Variants in VSTM4 observed in about 807,000 individuals in gnomAD.
The protein encoded by VSTM4 is V-set and transmembrane domain containing 4.
VSTM4 carries 20 observed loss-of-function variants against 36.4 expected under a neutral mutation model. That is an observed-to-expected ratio of 0.55 (90% CI 0.39 to 0.80). The LOEUF (loss-of-function observed/expected upper bound fraction) is 0.80. VSTM4 is among the 30% of genes least tolerant of loss of function. The pLI, the probability that VSTM4 is intolerant of heterozygous loss-of-function variation, is 0.00. For synonymous variants in VSTM4, 182 were observed against 173.9 expected, an observed-to-expected ratio of 1.05 and a Z score of -0.37; for missense variants, 392 against 404.5, an observed-to-expected ratio of 0.97 and a Z score of 0.26.
chr10:49,107,620 T>A lies in VSTM4; in HGVS notation c.431A>T (p.Asn144Ile). ...RHRNKWTAWS[N>I]GSSATEMRVI... The stretch of plus-strand genomic sequence containing the variant: ...TCTCATTTCCGTGGCTGAGGAGCCA[T>A]TGGACCAGGCCGTCCACTTGTTCCT... Residue 144 changes from asparagine to isoleucine, a missense_variant, in exon 2 of 8, where the codon AAT becomes ATT. Coordinates refer to ENST00000332853, the MANE Select transcript of VSTM4 (RefSeq NM_001031746.5). 6.2e-7 allele frequency: 1 copy of A among 1,610,186 alleles called. No individual in the cohort carries two copies. Among genetic ancestry groups the A allele is most frequent in the Non-Finnish European group, 8.5e-7 (1 of 1,176,868 alleles).
Position 49,077,209 on chromosome 10 carries a change from G to A in VSTM4, c.634+10C>T. 1 of 1,613,328 alleles carries A rather than the reference G, an allele frequency of 6.2e-7. No individual in the cohort carries two copies. Among genetic ancestry groups the A allele is most frequent in the Non-Finnish European group, 8.5e-7 (1 of 1,179,818 alleles). On this transcript the variant is annotated intron_variant, in intron 4 of 7. Transcript: ENST00000332853. ...TCCCATCCCAGACATGACCTTATCT[G>A]TTTTCTTACCTCTGGATTTCCGCTT...
chr10:49,046,943 G>A (rs1414776700), intron 7 of VSTM4, 40 bp downstream of exon 7: 3 of 1,590,928 alleles, frequency 1.9e-6, no homozygotes, highest in African/African-American at 2.7e-5. Flanking sequence ...TTGTGTCTGA[G>A]GCTTAAGGTA....
At chr10:49,029,247 C>T (rs192557333) in intron 7 of VSTM4, among the ~76,000 whole-genome samples, 134 of 152,232 alleles carry the variant, frequency 8.8e-4, no homozygotes, top group African/African-American at 3.2e-3. Context: ...TGCTGATTGG[C>T]AAATTTATTT....
chr10:49,101,673 T>G lies in VSTM4; in HGVS notation c.457+5921A>C, dbSNP rs113102356. Among the ~76,000 whole-genome samples, 1,218 of 152,296 alleles carry G rather than the reference T, an allele frequency of 8.0e-3. 12 individuals are homozygous for G. Among genetic ancestry groups the G allele is most frequent in the Middle Eastern group, 0.038 (11 of 292 alleles). Reference sequence around the variant, plus strand: ...GTATAAATTTGTAAAGTCTTTTCAGTGATAGCATTTTGGCATTGTCTACAA... The same window carrying G: ...GTATAAATTTGTAAAGTCTTTTCAGGGATAGCATTTTGGCATTGTCTACAA... On this transcript the variant is annotated intron_variant, in intron 2 of 7. Coordinates refer to ENST00000332853, the MANE Select transcript of VSTM4 (RefSeq NM_001031746.5).
chr10:49,102,578 G>C, intron 2 of VSTM4: 3 of 985,446 alleles, frequency 3.0e-6, no homozygotes, highest in Non-Finnish European at 3.6e-6. Context: ...CCATGGGCTG[G>C]CATGCCCAAA....
intron 2 of VSTM4, chr10:49,103,469 TTCAGTA>T: frequency 5.8e-6 from 6 of 1,037,154 alleles, no homozygotes; most frequent in Non-Finnish European, 7.0e-6. Context: ...TTTAAACCCT[TTCAGTA>T]TTTTTCCATG....
At chr10:49,044,620 A>G (rs1285994543) in intron 7 of VSTM4, among the ~76,000 whole-genome samples, 1 of 152,148 alleles carries the variant, frequency 6.6e-6, no homozygotes, top group African/African-American at 2.4e-5. Context: ...TTTGGCAGAT[A>G]TATGCATAGA....
chr10:49,107,846 CGAA>C lies in VSTM4; in HGVS notation c.202_204del (p.Phe68del), dbSNP rs1564599102. 1 of 1,614,190 alleles carries C rather than the reference CGAA, an allele frequency of 6.2e-7. No homozygotes were observed. The highest frequency in any genetic ancestry group is 1.7e-5 in the Admixed American group (1 of 60,020). Reference sequence around the variant, plus strand: ...TTCACCATCAAGGCCTCCTGGGAGTCGAAGGAGTGTGCAAAGAACCAGCGCACG... The same window carrying C: ...TTCACCATCAAGGCCTCCTGGGAGTCGGAGTGTGCAAAGAACCAGCGCACG... On this transcript the variant is annotated inframe_deletion, in exon 2 of 8. Coordinates refer to ENST00000332853, the MANE Select transcript of VSTM4 (RefSeq NM_001031746.5).
At chr10:49,095,426 G>A (rs937913149) in intron 2 of VSTM4, among the ~76,000 whole-genome samples, 1 of 152,082 alleles carries the variant, frequency 6.6e-6, no homozygotes, top group Non-Finnish European at 1.5e-5. Context: ...GCCCCGGCAG[G>A]GTCCTTGGTA....
intron 7 of VSTM4, among the ~76,000 whole-genome samples, chr10:49,043,025 T>A (rs1165471884): frequency 6.6e-6 from 1 of 152,060 alleles, no homozygotes; most frequent in East Asian, 1.9e-4. Flanking sequence ...ATTTAAGGAT[T>A]AGCAAGGAGG....
chr10:49,094,599 A>G (rs1159592106), intron 2 of VSTM4, among the ~76,000 whole-genome samples: 1 of 152,220 alleles, frequency 6.6e-6, no homozygotes, highest in Admixed American at 6.5e-5. Context: ...TGAAGTATGC[A>G]GAAGAAAAGA....
At chr10:49,074,355 G>T (rs1460412465) in intron 4 of VSTM4, among the ~76,000 whole-genome samples, 1 of 152,212 alleles carries the variant, frequency 6.6e-6, no homozygotes, top group Non-Finnish European at 1.5e-5. Context: ...ATGCTTGATG[G>T]GATAGAGGTA....
intron 2 of VSTM4, among the ~76,000 whole-genome samples, chr10:49,101,645 A>C (rs948430045): frequency 6.6e-6 from 1 of 152,248 alleles, no homozygotes; most frequent in Non-Finnish European, 1.5e-5. Context: ...AATGATGGTC[A>C]GAGTATAAAT....
At position 49,107,871 on chromosome 10, in the gene VSTM4, C is replaced by T. The variant is rs202108464; in HGVS notation, c.180G>A (p.Val60=). The T allele has an allele frequency of 1.7e-3, 2,749 of 1,614,220 alleles. 13 individuals carry two copies. Among genetic ancestry groups the T allele is most frequent in the Non-Finnish European group, 1.3e-3 (1,487 of 1,180,026 alleles). Residue 60 remains valine, a synonymous_variant, in exon 2 of 8, where the codon GTG becomes GTA. Coordinates refer to ENST00000332853, the MANE Select transcript of VSTM4 (RefSeq NM_001031746.5). ...CGAAGGAGTGTGCAAAGAACCAGCGCACGGCCAGCAAGCTGTCCTTCCGCC... is the reference window on the plus strand; with the variant it reads ...CGAAGGAGTGTGCAAAGAACCAGCGTACGGCCAGCAAGCTGTCCTTCCGCC... The part of the protein sequence containing the change: ...QKRRKDSLLA[V]RWFFAHSFDS...
intron 7 of VSTM4, among the ~76,000 whole-genome samples, chr10:49,032,273 G>C (rs1158511289): frequency 6.6e-6 from 1 of 152,246 alleles, no homozygotes; most frequent in Non-Finnish European, 1.5e-5. Context: ...CGAGCATGCA[G>C]ACAGTAGCTA....
intron 7 of VSTM4, among the ~76,000 whole-genome samples, chr10:49,039,431 C>T (rs1404312917): frequency 2.0e-5 from 3 of 152,108 alleles, no homozygotes; most frequent in Non-Finnish European, 4.4e-5. Context: ...CCGGTAGCCA[C>T]GCAGAGGATG....
At chr10:49,067,728 C>A (rs970196639) in intron 4 of VSTM4, among the ~76,000 whole-genome samples, 1 of 152,204 alleles carries the variant, frequency 6.6e-6, no homozygotes, top group Non-Finnish European at 1.5e-5. Context: ...TAAAGCCATG[C>A]AGTATGTGGT....
chr10:49,078,528 A>C (rs1305541514), intron 3 of VSTM4, among the ~76,000 whole-genome samples: 1 of 152,014 alleles, frequency 6.6e-6, no homozygotes, highest in Non-Finnish European at 1.5e-5. Flanking sequence ...TGAGTGAAAA[A>C]AAAAAAAAAA....
intron 7 of VSTM4, among the ~76,000 whole-genome samples, chr10:49,022,651 C>CA (rs1843199857): frequency 6.6e-6 from 1 of 152,072 alleles, no homozygotes; most frequent in Non-Finnish European, 1.5e-5. Flanking sequence ...TTACAAGCAA[C>CA]AAAAACCCTG....
Sources: gnomAD v4.1 joint callset for allele counts (sites outside exome capture counted in the v4.1 genomes callset) on GRCh38, gnomAD v4.1.1 for gene constraint, MANE v1.5 for transcripts, NCBI Gene and HGNC (gene_info 2026-07-23, HGNC 2026-07-21) for gene names.